Variants in PREX2 observed in about 807,000 individuals in gnomAD.
PREX2 encodes the protein phosphatidylinositol-3,4,5-trisphosphate dependent Rac exchange factor 2, also known as phosphatidylinositol 3,4,5-trisphosphate-dependent Rac exchanger 2 protein.
Under a neutral mutation model 203.2 loss-of-function variants are expected in PREX2, and 107 were observed. That is an observed-to-expected ratio of 0.53 (90% CI 0.45 to 0.62). The LOEUF is 0.62. PREX2 is among the 20% of genes least tolerant of loss of function. The pLI, the probability that PREX2 is intolerant of heterozygous loss-of-function variation, is 0.00. For missense variants in PREX2, 1,777 were observed against 1,955.9 expected, an observed-to-expected ratio of 0.91 and a Z score of 1.72; for synonymous variants, 672 against 663.6, an observed-to-expected ratio of 1.01 and a Z score of -0.19.
chr8:68,108,299 C>T lies in PREX2; in HGVS notation c.2906C>T (p.Ser969Phe), dbSNP rs1437555974. 6.2e-7 allele frequency: 1 copy of T among 1,613,764 alleles called. No homozygotes were observed. Among genetic ancestry groups the T allele is most frequent in the Admixed American group, 1.7e-5 (1 of 59,982 alleles). ...CAGTTGGATAGCAGGAAGCATAATT[C>T]TCATGATAAAGAAAACAAATCTTCG... ...GVQLDSRKHNSHDKENKSSEQ... is the reference protein window; with the variant it reads ...GVQLDSRKHNFHDKENKSSEQ... The change falls in exon 24 of 40, where the codon TCT (serine) becomes TTT (phenylalanine). Residue 969 changes from serine to phenylalanine, a missense_variant. Physicochemically the swap from Ser to Phe is radical, Grantham distance 155. Coordinates refer to ENST00000288368, the MANE Select transcript of PREX2 (RefSeq NM_024870.4).
chr8:68,208,099 A>G (rs1434561614), intron 37 of PREX2, among the ~76,000 whole-genome samples: 3 of 152,202 alleles, frequency 2.0e-5, no homozygotes, highest in Non-Finnish European at 4.4e-5. Flanking sequence ...GAGGAAGACC[A>G]ATGGAAAGAG....
At chr8:68,064,895 A>G (rs926072889) in intron 11 of PREX2, among the ~76,000 whole-genome samples, 6 of 152,196 alleles carry the variant, frequency 3.9e-5, no homozygotes, top group African/African-American at 1.4e-4. Context: ...GGCAAATGCT[A>G]CAAATCAGAA....
At chr8:68,055,477 A>T (rs571476712) in intron 9 of PREX2, among the ~76,000 whole-genome samples, 119 of 152,076 alleles carry the variant, frequency 7.8e-4, no homozygotes, top group Middle Eastern at 3.4e-3. Context: ...TTCTACCAGA[A>T]CTGTCTCTAG....
At chr8:68,108,383 C>A in intron 24 of PREX2, 52 bp downstream of exon 24, 2 of 1,260,148 alleles carry the variant, frequency 1.6e-6, no homozygotes, top group Non-Finnish European at 1.1e-6. Context: ...TTTAGGCAAT[C>A]ATAGCTATTC....
chr8:68,156,210 G>A (rs1811541199), intron 34 of PREX2, among the ~76,000 whole-genome samples: 1 of 152,062 alleles, frequency 6.6e-6, no homozygotes, highest in Non-Finnish European at 1.5e-5. Flanking sequence ...ACGGGTGCAT[G>A]CCACCATGCC....
intron 1 of PREX2, among the ~76,000 whole-genome samples, chr8:67,993,347 G>A (rs4236956): frequency 0.59 from 88,558 of 151,156 alleles, 26,428 homozygotes; most frequent in African/African-American, 0.69. Context: ...GTTTCTTTGA[G>A]AGAATACTAT....
chr8:67,957,903 G>T (rs1378968394), intron 1 of PREX2, among the ~76,000 whole-genome samples: 4 of 152,142 alleles, frequency 2.6e-5, no homozygotes, highest in African/African-American at 7.2e-5. Context: ...TTAAAATGAG[G>T]TCATAGGGTA....
At chr8:68,218,629 T>C (rs963398458) in intron 38 of PREX2, among the ~76,000 whole-genome samples, 1 of 152,318 alleles carries the variant, frequency 6.6e-6, no homozygotes, top group South Asian at 2.1e-4. Flanking sequence ...GGAAGCTTAG[T>C]ATCTAACTCG....
intron 1 of PREX2, among the ~76,000 whole-genome samples, chr8:67,972,786 G>A (rs148771371): frequency 8.1e-4 from 123 of 152,130 alleles, no homozygotes; most frequent in South Asian, 3.3e-3. Flanking sequence ...CATGGCCTCT[G>A]CAATTACCTT....
chr8:68,133,990 G>A (rs1475029559), intron 31 of PREX2, 69 bp from the exon 32 acceptor site: 2 of 1,222,730 alleles, frequency 1.6e-6, no homozygotes, highest in Admixed American at 1.7e-5. Flanking sequence ...GAATGTAGAT[G>A]CTGAACGCAT....
intron 18 of PREX2, among the ~76,000 whole-genome samples, chr8:68,086,912 T>C (rs1354319288): frequency 6.6e-6 from 1 of 152,210 alleles, no homozygotes; most frequent in African/African-American, 2.4e-5. Flanking sequence ...TATAACTAGC[T>C]CTTTGTTGTT....
intron 1 of PREX2, among the ~76,000 whole-genome samples, chr8:68,015,010 G>C (rs995171004): frequency 6.6e-6 from 1 of 152,182 alleles, no homozygotes; most frequent in African/African-American, 2.4e-5. Flanking sequence ...ATATATGTGT[G>C]TCAAGATGAA....
rs774254368 is a variant in PREX2, at chr8:68,103,708, G to A, written c.2715+3865G>A. ...TATCCTGATAGCATTCCTTGTCTTAGTGGGATCTGATGCAGTTGACCGTAA... is the reference window on the plus strand; with the variant it reads ...TATCCTGATAGCATTCCTTGTCTTAATGGGATCTGATGCAGTTGACCGTAA... On this transcript the variant is annotated intron_variant, in intron 23 of 39. Coordinates refer to ENST00000288368, the MANE Select transcript of PREX2 (RefSeq NM_024870.4). 1.5e-5 allele frequency: 8 copies of A among 519,430 alleles called. 1 individual carries two copies. In the East Asian group the frequency reaches 3.8e-4, roughly 25 times the overall value. 32.2% of individuals were successfully genotyped at this position (519,430 alleles called of 1,614,324 possible). A position where few individuals can be genotyped will look rare whatever the true frequency, so the allele number is the denominator to read the frequency against.
intron 35 of PREX2, among the ~76,000 whole-genome samples, chr8:68,185,311 C>T (rs1812168217): frequency 6.6e-6 from 1 of 152,136 alleles, no homozygotes; most frequent in African/African-American, 2.4e-5. Context: ...ATTCAGCCTA[C>T]TTAGCCAGCC....
At chr8:68,163,176 A>C (rs1361133129) in intron 35 of PREX2, among the ~76,000 whole-genome samples, 4 of 152,184 alleles carry the variant, frequency 2.6e-5, no homozygotes, top group South Asian at 2.1e-4. Context: ...TATACACAAA[A>C]ATACAGGCAG....
intron 18 of PREX2, among the ~76,000 whole-genome samples, chr8:68,084,317 A>G (rs1312744028): frequency 6.6e-6 from 1 of 152,178 alleles, no homozygotes; most frequent in Non-Finnish European, 1.5e-5. Context: ...AAAGCAAATG[A>G]AATTTAGCAC....
intron 8 of PREX2, among the ~76,000 whole-genome samples, chr8:68,049,305 C>T (rs1044222677): frequency 6.8e-6 from 1 of 147,158 alleles, no homozygotes. Flanking sequence ...TGTTGATCTC[C>T]AGGACAAGGA....
chr8:68,221,513 C>T (rs2129615406), intron 38 of PREX2, among the ~76,000 whole-genome samples: 1 of 152,212 alleles, frequency 6.6e-6, no homozygotes, highest in Admixed American at 6.5e-5. Context: ...AAAACAGTAC[C>T]TGATATGGTG....
intron 14 of PREX2, among the ~76,000 whole-genome samples, chr8:68,074,714 C>G (rs1023513691): frequency 2.6e-5 from 4 of 152,116 alleles, no homozygotes; most frequent in Non-Finnish European, 2.9e-5. Flanking sequence ...GTAAGGGTCT[C>G]TTTCTTCCAA....
Sources: allele counts gnomAD v4.1 joint callset (sites outside exome capture counted in the v4.1 genomes callset), GRCh38; gene constraint gnomAD v4.1.1; transcripts MANE v1.5; gene names NCBI Gene and HGNC (gene_info 2026-07-23, HGNC 2026-07-21).